Variants in ASIC2 observed in about 807,000 individuals in gnomAD.
The protein encoded by ASIC2 is acid sensing ion channel subunit 2, also known as acid-sensing ion channel 2.
In ASIC2, 25 loss-of-function variants were observed where a neutral mutation model predicts 57.3. That is an observed-to-expected ratio of 0.44 (90% CI 0.32 to 0.61). ASIC2 has a LOEUF of 0.61. ASIC2 is among the 20% of genes least tolerant of loss of function. The probability of loss-of-function intolerance (pLI) is 0.06; values close to 1 mark genes in which losing one functional copy is unlikely to be tolerated. For synonymous variants in ASIC2, 319 were observed against 307.5 expected (o/e 1.04, Z -0.39); for missense variants, 641 against 738.1 (o/e 0.87, Z 1.52).
chr17:33,314,602 T>G (rs1906566291), intron 1 of ASIC2, among the ~76,000 whole-genome samples: 1 of 152,166 alleles, frequency 6.6e-6, no homozygotes, highest in Admixed American at 6.5e-5. Flanking sequence ...GGATTTGATG[T>G]CAGGATTTTC....
chr17:33,141,652 G>C (rs895138225), intron 1 of ASIC2, among the ~76,000 whole-genome samples: 1 of 152,190 alleles, frequency 6.6e-6, no homozygotes, highest in Non-Finnish European at 1.5e-5. Context: ...AGGGTGAGAA[G>C]AAGGGGTTCC....
At chr17:33,402,510 C>G (rs1910320065) in intron 1 of ASIC2, among the ~76,000 whole-genome samples, 1 of 152,140 alleles carries the variant, frequency 6.6e-6, no homozygotes, top group Admixed American at 6.6e-5. Context: ...CATTGTTCAG[C>G]TTTCACTTAA....
intron 1 of ASIC2, among the ~76,000 whole-genome samples, chr17:33,973,350 C>T (rs563746407): frequency 9.8e-4 from 150 of 152,304 alleles, no homozygotes; most frequent in Non-Finnish European, 1.6e-3. Context: ...GCTTCCCATT[C>T]AGGTGCAGGC....
Position 33,738,473 on chromosome 17 carries a change from T to C in ASIC2, c.555+417505A>G, listed in dbSNP as rs941460874. Reference sequence around the variant, plus strand: ...TACATGCACCAGCCTATAAATACCCTGATCCTTACCCTCAGGTGGGATAAT... The same window carrying C: ...TACATGCACCAGCCTATAAATACCCCGATCCTTACCCTCAGGTGGGATAAT... On this transcript the variant is annotated intron_variant, in intron 1 of 9. Transcript: ENST00000359872. 5.9e-5 allele frequency among the ~76,000 whole-genome samples: 9 copies of C among 152,352 alleles called. No individual in the cohort carries two copies. The South Asian group carries it at 1.9e-3, about 32-fold the overall frequency.
At chr17:33,819,193 T>G (rs1362873700) in intron 1 of ASIC2, among the ~76,000 whole-genome samples, 3 of 152,194 alleles carry the variant, frequency 2.0e-5, no homozygotes, top group African/African-American at 4.8e-5. Context: ...AACAGTGCAA[T>G]GGGATTCTTT....
Position 33,699,099 on chromosome 17 carries a change from G to A in ASIC2, c.555+456879C>T, listed in dbSNP as rs140315381. ...ATTCCTGGTAGAGAAGGAACAACTG[G>A]TTTCTTAGCCAACTGAGTTTTCCTG... is the stretch of plus-strand genomic sequence containing the variant. On this transcript the variant is annotated intron_variant, in intron 1 of 9. Coordinates refer to the ASIC2 transcript ENST00000359872. 9.9e-5 allele frequency among the ~76,000 whole-genome samples: 15 copies of A among 152,240 alleles called. No individual in the cohort carries two copies. In the East Asian group the frequency reaches 2.7e-3, roughly 27 times the overall value.
At chr17:34,058,596 A>T (rs909938868) in intron 1 of ASIC2, among the ~76,000 whole-genome samples, 1 of 152,180 alleles carries the variant, frequency 6.6e-6, no homozygotes, top group Non-Finnish European at 1.5e-5. Context: ...CTGTCCTTGA[A>T]ACCTCCTTCT....
chr17:34,155,589 ACG>A, intron 1 of ASIC2: 4 of 203,268 alleles, frequency 2.0e-5, no homozygotes, highest in East Asian at 1.5e-4. Flanking sequence ...GCACACGCAC[ACG>A]CACACACACA....
chr17:33,713,050 A>T (rs762102717), intron 1 of ASIC2, among the ~76,000 whole-genome samples: 7 of 152,226 alleles, frequency 4.6e-5, no homozygotes, highest in Non-Finnish European at 7.3e-5. Context: ...GTGAAGGGCA[A>T]GAAAGAGCCA....
Position 33,663,057 on chromosome 17 carries a change from G to A in ASIC2, c.555+492921C>T, listed in dbSNP as rs112827289. Among the ~76,000 whole-genome samples the A allele has an allele frequency of 3.2e-3, 488 of 152,230 alleles. 1 individual carries two copies. Among genetic ancestry groups the A allele is most frequent in the Non-Finnish European group, 5.0e-3 (341 of 68,010 alleles). On this transcript the variant is annotated intron_variant, in intron 1 of 9. Transcript: ENST00000359872. ...CACACGCACTCGCATGCGCCTGCAC[G>A]CACACACACTGACGGAGAACTCAAT...
intron 1 of ASIC2, among the ~76,000 whole-genome samples, chr17:33,181,091 G>A (rs955474958): frequency 3.3e-5 from 5 of 152,136 alleles, no homozygotes; most frequent in African/African-American, 4.8e-5. Flanking sequence ...CTTGGTGACC[G>A]AGATTACCAT....
chr17:33,907,691 A>G (rs978118432), intron 1 of ASIC2, among the ~76,000 whole-genome samples: 1 of 152,122 alleles, frequency 6.6e-6, no homozygotes, highest in African/African-American at 2.4e-5. Flanking sequence ...GGCAACGTGG[A>G]GATCTGTCTT....
intron 1 of ASIC2, among the ~76,000 whole-genome samples, chr17:33,861,554 G>A (rs1273557530): frequency 1.3e-5 from 2 of 152,188 alleles, no homozygotes; most frequent in Non-Finnish European, 2.9e-5. Flanking sequence ...GAGAGTATGA[G>A]AGAATTGTAT....
At chr17:33,305,346 G>C (rs916348511) in intron 1 of ASIC2, among the ~76,000 whole-genome samples, 1 of 152,176 alleles carries the variant, frequency 6.6e-6, no homozygotes, top group African/African-American at 2.4e-5. Flanking sequence ...TTAAGCATGA[G>C]TGAGCCCTTG....
intron 1 of ASIC2, among the ~76,000 whole-genome samples, chr17:33,223,106 C>G (rs1257149507): frequency 6.6e-6 from 1 of 152,222 alleles, no homozygotes; most frequent in East Asian, 1.9e-4. Context: ...TAGATGCCAA[C>G]CTGTTCTCAC....
At chr17:33,414,871 G>A (rs899919839) in intron 1 of ASIC2, among the ~76,000 whole-genome samples, 9 of 152,138 alleles carry the variant, frequency 5.9e-5, no homozygotes, top group African/African-American at 1.9e-4. Flanking sequence ...CCCTGACCCC[G>A]CTTCTCCATG....
chr17:33,824,053 AAAAACAGAG>A (rs1224451999), intron 1 of ASIC2, among the ~76,000 whole-genome samples: 1 of 152,186 alleles, frequency 6.6e-6, no homozygotes. Flanking sequence ...GGGTGACTTA[AAAAACAGAG>A]AAAACATGGA....
chr17:33,108,162 G>A (rs940535645), intron 2 of ASIC2, among the ~76,000 whole-genome samples: 3 of 152,126 alleles, frequency 2.0e-5, no homozygotes, highest in African/African-American at 7.2e-5. Context: ...CCTGAGTCAC[G>A]CAGTTAGGAA....
chr17:34,008,900 A>T (rs1260449192), intron 1 of ASIC2, among the ~76,000 whole-genome samples: 1 of 152,244 alleles, frequency 6.6e-6, no homozygotes, highest in Non-Finnish European at 1.5e-5. Context: ...ATGGAAGTGG[A>T]GAGAACTGAC....
Sources: gnomAD v4.1 joint callset for allele counts (sites outside exome capture counted in the v4.1 genomes callset) on GRCh38, gnomAD v4.1.1 for gene constraint, MANE v1.5 for transcripts, NCBI Gene and HGNC (gene_info 2026-07-23, HGNC 2026-07-21) for gene names.